Variants in MED13 observed in about 807,000 individuals in gnomAD.
MED13 encodes mediator of RNA polymerase II transcription subunit 13.
In MED13, 23 loss-of-function variants were observed where a neutral mutation model predicts 225.2. That is an observed-to-expected ratio of 0.10 (90% CI 0.07 to 0.14). The LOEUF (loss-of-function observed/expected upper bound fraction) is 0.14. Ranked by LOEUF, MED13 falls within the 10% of genes least tolerant of loss-of-function variation. MED13 has a pLI of 1.00. For missense variants in MED13, 2,197 were observed against 2,594.5 expected (o/e 0.85, Z 3.33); for synonymous variants, 942 against 889.2 (o/e 1.06, Z -1.06).
chr17:62,037,314 A>C (rs926393110), intron 3 of MED13, among the ~76,000 whole-genome samples: 3 of 152,064 alleles, frequency 2.0e-5, no homozygotes, highest in African/African-American at 7.2e-5. Flanking sequence ...CAGAAAAACT[A>C]AAAATAATAT....
Position 62,051,955 on chromosome 17 carries a change from A to C in MED13, c.470+582T>G, listed in dbSNP as rs2080960810. ...AATTGCATAGGAGAAGGAGGTATCT[A>C]TCATAAGTCTTCTGTGCCTCTATCT... On this transcript the variant is annotated intron_variant, in intron 3 of 29. Transcript: ENST00000397786. 2.6e-5 allele frequency among the ~76,000 whole-genome samples: 4 copies of C among 152,222 alleles called. No homozygotes were observed. The South Asian group carries it at 8.3e-4, about 31-fold the overall frequency.
chr17:61,987,126 C>A lies in MED13; in HGVS notation c.2266G>T (p.Ala756Ser). The stretch of plus-strand genomic sequence containing the variant: ...CGGGCATGACTAGTAGGGCGTGGAG[C>A]ATCTACAAAAGTCAATCAGAAAAAT... ...SLFSPSIKQDAPRPTSHARPP... is the reference protein window; with the variant it reads ...SLFSPSIKQDSPRPTSHARPP... The change falls in exon 12 of 30, where the codon GCT becomes TCT. Residue 756 changes from alanine to serine, a missense_variant and splice_region_variant. By Grantham distance (99) the Ala-to-Ser change is moderately conservative. Coordinates refer to ENST00000397786, the MANE Select transcript of MED13 (RefSeq NM_005121.3). 1 of 1,591,288 alleles carries A rather than the reference C, an allele frequency of 6.3e-7. No individual in the cohort carries two copies. The highest frequency in any genetic ancestry group is 8.5e-7 in the Non-Finnish European group (1 of 1,171,416).
chr17:62,008,700 G>A (rs976489895), intron 9 of MED13, among the ~76,000 whole-genome samples: 1 of 151,484 alleles, frequency 6.6e-6, no homozygotes, highest in African/African-American at 2.4e-5. Context: ...CCCTCCCCCC[G>A]AGGGAGCTAA....
At chr17:61,970,073 CT>C (rs2080093817) in intron 17 of MED13, among the ~76,000 whole-genome samples, 1 of 152,106 alleles carries the variant, frequency 6.6e-6, no homozygotes, top group South Asian at 2.1e-4. Flanking sequence ...AATGATAATT[CT>C]ATGTGCTAGG....
chr17:62,049,812 C>T (rs2080939155), intron 3 of MED13, among the ~76,000 whole-genome samples: 1 of 151,258 alleles, frequency 6.6e-6, no homozygotes, highest in Non-Finnish European at 1.5e-5. Flanking sequence ...CACCTGTAGT[C>T]CCAGCTACTC....
intron 28 of MED13, among the ~76,000 whole-genome samples, chr17:61,949,387 G>A (rs1296599423): frequency 6.6e-6 from 1 of 151,988 alleles, no homozygotes; most frequent in Non-Finnish European, 1.5e-5. Flanking sequence ...ATGCCACCAT[G>A]CCTAATATTA....
chr17:62,026,593 A>C (rs1159381566), intron 8 of MED13, among the ~76,000 whole-genome samples: 1 of 152,056 alleles, frequency 6.6e-6, no homozygotes, highest in Non-Finnish European at 1.5e-5. Context: ...TGGCCAGAAG[A>C]ATCAGGGAGA....
At position 62,052,648 on chromosome 17, in the gene MED13, A is replaced by T. The variant is rs1291932819; in HGVS notation, c.359T>A (p.Phe120Tyr). Residue 120 changes from phenylalanine (F) to tyrosine (Y), a missense_variant, in exon 3 of 30, where the codon TTC becomes TAC. By Grantham distance (22) the Phe-to-Tyr change is conservative. Around this residue, in one of 12 missense-constraint regions of MED13, gnomAD observed 884 missense variants for 918.5 expected, o/e 0.96. Transcript: ENST00000397786. Reference sequence around the variant, plus strand: ...TTCCAATAGATTGTGAACTGCTTTGAAAAGCAGAGTACGGCATTCATAGGA... The same window carrying T: ...TTCCAATAGATTGTGAACTGCTTTGTAAAGCAGAGTACGGCATTCATAGGA... ...GLSYECRTLLFKAVHNLLERC... is the reference protein window; with the variant it reads ...GLSYECRTLLYKAVHNLLERC... The T allele has an allele frequency of 6.2e-7, 1 of 1,603,920 alleles. No homozygotes were observed. Among genetic ancestry groups the T allele is most frequent in the Admixed American group, 1.7e-5 (1 of 59,370 alleles).
At chr17:62,026,473 A>T (rs2080702978) in intron 8 of MED13, among the ~76,000 whole-genome samples, 1 of 149,836 alleles carries the variant, frequency 6.7e-6, no homozygotes. Flanking sequence ...CACTGTATTT[A>T]TCATTAAAAA....
At position 61,965,115 on chromosome 17, in the gene MED13, C is replaced by T. The variant is rs374971933; in HGVS notation, c.4735G>A (p.Val1579Ile). 25 of 1,614,078 alleles carry T rather than the reference C, an allele frequency of 1.5e-5. No homozygotes were observed. The highest frequency in any genetic ancestry group is 1.9e-5 in the Non-Finnish European group (23 of 1,180,038). ...TGCCCTCCTAGCTGACCACTCTGAA[C>T]TGTATTTGCTTGTGTAGACATGGAT... ...AGSMSTQANT[V>I]QSGQLGGQQT... The change falls in exon 20 of 30, where the codon GTT (valine) becomes ATT (isoleucine). Residue 1579 changes from valine to isoleucine, a missense_variant. Val to Ile is a conservative substitution (Grantham distance 29). Around this residue, in one of 12 missense-constraint regions of MED13, gnomAD observed 457 missense variants for 442.2 expected, o/e 1.03. Coordinates refer to ENST00000397786, the MANE Select transcript of MED13 (RefSeq NM_005121.3).
In MED13 at chr17:61,956,470, T is replaced by C; in HGVS notation, c.5492A>G (p.Lys1831Arg). ...ACCAAATTTTCTAGCAGAACTTTTT[T>C]TCCGACGAGCCCTATTGTGTGAATA... ...NIDVPNRARR[K>R]KSSARKFGLQ... is the part of the protein sequence containing the mutation. The change falls in exon 24 of 30, where the codon AAA becomes AGA. Residue 1831 changes from lysine to arginine, a missense_variant. By Grantham distance (26) the Lys-to-Arg change is conservative. Around this residue, in one of 12 missense-constraint regions of MED13, gnomAD observed 78 missense variants for 82.1 expected, o/e 0.95. Transcript: ENST00000397786. 6.2e-7 allele frequency: 1 copy of C among 1,612,004 alleles called. No homozygotes were observed. The highest frequency in any genetic ancestry group is 8.5e-7 in the Non-Finnish European group (1 of 1,179,408).
In MED13 at chr17:61,993,932, AAAAC is replaced by A. The variant is rs762657182; in HGVS notation, c.2181+1216_2181+1219del. Among the ~76,000 whole-genome samples, 589 of 127,542 alleles carry A rather than the reference AAAAC, an allele frequency of 4.6e-3. 4 individuals carry two copies. Among genetic ancestry groups the A allele is most frequent in the Non-Finnish European group, 6.3e-3 (416 of 65,632 alleles). 83.7% of individuals were successfully genotyped at this position (127,542 alleles called of 152,430 possible). A position where few individuals can be genotyped will look rare whatever the true frequency, so the allele number is the denominator to read the frequency against. On this transcript the variant is annotated intron_variant, in intron 10 of 29. Coordinates refer to ENST00000397786, the MANE Select transcript of MED13 (RefSeq NM_005121.3). ...GGCAACAAGAGCGAAACTCCGTCTC[AAAAC>A]AAACAAACAAACAAAAAAAAAAACT...
chr17:62,013,091 G>A (rs573875991), intron 8 of MED13, among the ~76,000 whole-genome samples: 10 of 151,766 alleles, frequency 6.6e-5, no homozygotes, highest in South Asian at 2.1e-4. Context: ...GCGCCCGGCC[G>A]AGACACCTTT....
chr17:61,985,925 C>T lies in MED13; in HGVS notation c.2386-835G>A, dbSNP rs115482807. The stretch of plus-strand genomic sequence containing the variant: ...GTACAAACTTCAGAAGATCTAATGA[C>T]AAAGCAATAGAGTTCCTAACTTTTA... On this transcript the variant is annotated intron_variant, in intron 12 of 29. Transcript: ENST00000397786. Among the ~76,000 whole-genome samples, 261 of 152,262 alleles carry T rather than the reference C, an allele frequency of 1.7e-3. 2 individuals carry two copies. Among genetic ancestry groups the T allele is most frequent in the African/African-American group, 5.9e-3 (244 of 41,552 alleles).
At chr17:61,976,864 G>A (rs936372076) in intron 16 of MED13, among the ~76,000 whole-genome samples, 4 of 152,122 alleles carry the variant, frequency 2.6e-5, no homozygotes, top group African/African-American at 9.7e-5. Flanking sequence ...CCCGGTAGGC[G>A]GAGCTTGCAG....
At chr17:62,031,356 A>C in intron 6 of MED13, 88 bp downstream of exon 6, 1 of 1,163,494 alleles carries the variant, frequency 8.6e-7, no homozygotes, top group Middle Eastern at 3.1e-4. Context: ...AGAAGTTTGA[A>C]ACTATTTCAA....
intron 20 of MED13, among the ~76,000 whole-genome samples, chr17:61,964,630 TCTTA>T (rs1421712762): frequency 6.6e-6 from 1 of 151,922 alleles, no homozygotes; most frequent in Non-Finnish European, 1.5e-5. Flanking sequence ...ATTCAAAACG[TCTTA>T]TTTAGAAAAA....
chr17:62,010,805 G>T lies in MED13; in HGVS notation c.1712C>A (p.Pro571His). 2 of 1,614,224 alleles carry T rather than the reference G, an allele frequency of 1.2e-6. No individual in the cohort carries two copies. The highest frequency in any genetic ancestry group is 1.7e-6 in the Non-Finnish European group (2 of 1,180,040). ...TATCCTATCTTCCATTGGTTTAGAAGGAACCAAGGGATCTGGTGTTGGCAT... is the reference window on the plus strand; with the variant it reads ...TATCCTATCTTCCATTGGTTTAGAATGAACCAAGGGATCTGGTGTTGGCAT... The part of the protein sequence containing the change: ...YQMPTPDPLV[P>H]SKPMEDRIDS... The change falls in exon 9 of 30, where the codon CCT becomes CAT. Residue 571 changes from proline (P) to histidine (H), a missense_variant. Coordinates refer to ENST00000397786, the MANE Select transcript of MED13 (RefSeq NM_005121.3).
Position 61,972,895 on chromosome 17 carries a change from G to A in MED13, c.3806-7C>T, listed in dbSNP as rs1482714849. The stretch of plus-strand genomic sequence containing the variant: ...GAGCACTGCATACTCACATCTACAA[G>A]CATTTTAAAAAAAACAAGTAATTAA... On this transcript the variant is annotated splice_polypyrimidine_tract_variant and splice_region_variant and intron_variant, in intron 16 of 29. Coordinates refer to ENST00000397786, the MANE Select transcript of MED13 (RefSeq NM_005121.3). 3 of 1,563,312 alleles carry A rather than the reference G, an allele frequency of 1.9e-6. No individual in the cohort carries two copies. Among genetic ancestry groups the A allele is most frequent in the Non-Finnish European group, 2.6e-6 (3 of 1,161,216 alleles).
Sources: gnomAD v4.1 joint callset for allele counts (sites outside exome capture counted in the v4.1 genomes callset) on GRCh38, gnomAD v4.1.1 for gene constraint, gnomAD v4.1.1 regional missense constraint, MANE v1.5 for transcripts, NCBI Gene and HGNC (gene_info 2026-07-23, HGNC 2026-07-21) for gene names.